SLK: variants seen among roughly 807,000 people sequenced by gnomAD.
SLK encodes STE20 like kinase, also known as STE20-like serine/threonine-protein kinase.
A neutral mutation model predicts 147.7 loss-of-function variants in SLK; 67 were observed. That is an observed-to-expected ratio of 0.45 (90% confidence interval 0.37 to 0.56). The LOEUF is 0.56. SLK is among the 20% of genes least tolerant of loss of function. The probability of loss-of-function intolerance (pLI) is 0.00; values close to 1 mark genes in which losing one functional copy is unlikely to be tolerated. For synonymous variants in SLK, 441 were observed against 475.0 expected (o/e 0.93, Z 0.93); for missense variants, 1,136 against 1,438.8 (o/e 0.79, Z 3.41).
At chr10:103,979,109 A>T (rs938650384) in intron 1 of SLK, among the ~76,000 whole-genome samples, 4 of 152,136 alleles carry the variant, frequency 2.6e-5, no homozygotes, top group Non-Finnish European at 5.9e-5. Context: ...TCCGCTTCCC[A>T]CGTTCAAGTG....
At chr10:103,968,282 C>T (rs1843745445) in intron 1 of SLK, among the ~76,000 whole-genome samples, 1 of 152,230 alleles carries the variant, frequency 6.6e-6, no homozygotes, top group African/African-American at 2.4e-5. Context: ...CATGCTTGTA[C>T]TCCAACAGTT....
At chr10:104,009,832 C>T (rs1308423254) in intron 12 of SLK, among the ~76,000 whole-genome samples, 1 of 151,750 alleles carries the variant, frequency 6.6e-6, no homozygotes, top group African/African-American at 2.4e-5. Flanking sequence ...GAGTCTCTTC[C>T]TTTTAATGGT....
chr10:104,005,835 TAA>T, intron 10 of SLK, 75 bp from the exon 11 acceptor site: 1 of 1,537,178 alleles, frequency 6.5e-7, no homozygotes, highest in Non-Finnish European at 8.8e-7. Context: ...AGAAAATTTT[TAA>T]AGCTTTAAAA....
intron 13 of SLK, among the ~76,000 whole-genome samples, chr10:104,015,515 A>AG (rs1844451745): frequency 6.6e-6 from 1 of 152,208 alleles, no homozygotes; most frequent in Non-Finnish European, 1.5e-5. Context: ...TACTAAGGGA[A>AG]GGGACCCACT....
chr10:104,002,220 T>C lies in SLK; in HGVS notation c.1042T>C (p.Ser348Pro). 1 of 1,608,944 alleles carries C rather than the reference T, an allele frequency of 6.2e-7. No individual in the cohort carries two copies. Among genetic ancestry groups the C allele is most frequent in the Non-Finnish European group, 8.5e-7 (1 of 1,176,846 alleles). ...ATCTTCTGACCTTAGTATCGCCAGCTCTGAAGAAGATAAACTTTCACAAAA... is the reference window on the plus strand; with the variant it reads ...ATCTTCTGACCTTAGTATCGCCAGCCCTGAAGAAGATAAACTTTCACAAAA... Reference protein sequence around the residue: ...RASSDLSIASSEEDKLSQNAC... With the variant: ...RASSDLSIASPEEDKLSQNAC... Residue 348 changes from serine to proline, a missense_variant, in exon 9 of 19, where the codon TCT becomes CCT. Ser to Pro is a moderately conservative substitution (Grantham distance 74). Transcript: ENST00000369755.
Position 104,002,511 on chromosome 10 carries a change from A to G in SLK, c.1333A>G (p.Asn445Asp). 1 of 1,612,362 alleles carries G rather than the reference A, an allele frequency of 6.2e-7. No homozygotes were observed. The highest frequency in any genetic ancestry group is 8.5e-7 in the Non-Finnish European group (1 of 1,179,200). Residue 445 changes from asparagine to aspartate, a missense_variant, in exon 9 of 19, where the codon AAT (asparagine) becomes GAT (aspartate). Transcript: ENST00000369755. ...DTEDQETVDI[N>D]SVSEGKENNI... is the part of the protein sequence containing the mutation. ...AGAAGACCAAGAAACTGTGGACATTAATTCAGTCAGTGAAGGAAAAGAGAA... is the reference window on the plus strand; with the variant it reads ...AGAAGACCAAGAAACTGTGGACATTGATTCAGTCAGTGAAGGAAAAGAGAA...
intron 1 of SLK, chr10:103,974,824 C>CTTTTTTTTTTTTT (rs1215374355): frequency 2.8e-5 from 1 of 35,170 alleles, no homozygotes; most frequent in Non-Finnish European, 5.5e-5. Context: ...CTAATTTTTT[C>CTTTTTTTTTTTTT]TATTTTTTTT....
At chr10:103,980,649 G>A (rs1843928920) in intron 1 of SLK, among the ~76,000 whole-genome samples, 1 of 152,126 alleles carries the variant, frequency 6.6e-6, no homozygotes, top group African/African-American at 2.4e-5. Flanking sequence ...CCATGTCATA[G>A]CATATGTTAG....
At chr10:103,968,836 C>T (rs1392874721) in intron 1 of SLK, among the ~76,000 whole-genome samples, 1 of 152,180 alleles carries the variant, frequency 6.6e-6, no homozygotes, top group Non-Finnish European at 1.5e-5. Flanking sequence ...CCACATTTCA[C>T]AGATGAAGAT....
intron 1 of SLK, among the ~76,000 whole-genome samples, chr10:103,980,942 G>A (rs1393079724): frequency 6.6e-6 from 1 of 152,068 alleles, no homozygotes; most frequent in Non-Finnish European, 1.5e-5. Flanking sequence ...CATTTCCATC[G>A]ATTTGTGCAC....
chr10:103,996,484 T>G (rs959250568), intron 4 of SLK, among the ~76,000 whole-genome samples: 1 of 150,770 alleles, frequency 6.6e-6, no homozygotes. Context: ...CTGCAAGCTC[T>G]GCCTCCCGGG....
intron 14 of SLK, 100 bp downstream of exon 14, chr10:104,018,389 G>A (rs889653008): frequency 2.8e-6 from 3 of 1,061,290 alleles, no homozygotes; most frequent in Non-Finnish European, 4.1e-6. Flanking sequence ...TTCTTGCCCT[G>A]ATGATGCTGG....
chr10:104,024,339 G>C (rs904026424), intron 18 of SLK, among the ~76,000 whole-genome samples: 5 of 152,174 alleles, frequency 3.3e-5, no homozygotes, highest in Non-Finnish European at 1.5e-5. Context: ...TCTTGACACT[G>C]TCATACTGAT....
At chr10:104,007,796 T>TAAATAAATAAAA (rs1213770710) in intron 11 of SLK, among the ~76,000 whole-genome samples, 4 of 151,138 alleles carry the variant, frequency 2.6e-5, no homozygotes, top group African/African-American at 7.3e-5. Flanking sequence ...AATAAATAAA[T>TAAATAAATAAAA]AAAAAGATAA....
Position 103,990,737 on chromosome 10 carries a change from A to G in SLK, c.213A>G (p.Glu71=). 2 of 1,572,140 alleles carry G rather than the reference A, an allele frequency of 1.3e-6. No homozygotes were observed. Among genetic ancestry groups the G allele is most frequent in the Non-Finnish European group, 1.7e-6 (2 of 1,161,612 alleles). ...AAKVIDTKSE[E]ELEDYMVEID... ...AAGTGATTGACACTAAATCTGAAGA[A>G]GAACTTGAAGATTACATGGTAGAGA... Residue 71 remains glutamate (E), a synonymous_variant, in exon 2 of 19, where the codon GAA becomes GAG. Coordinates refer to ENST00000369755, the MANE Select transcript of SLK (RefSeq NM_014720.4).
At chr10:104,020,684 G>A in intron 17 of SLK, 71 bp downstream of exon 17, 1 of 1,519,992 alleles carries the variant, frequency 6.6e-7, no homozygotes, top group Non-Finnish European at 8.9e-7. Flanking sequence ...TGAGAGAACA[G>A]TAGCTAGCCA....
intron 1 of SLK, among the ~76,000 whole-genome samples, chr10:103,988,815 T>C (rs1363349635): frequency 2.0e-5 from 3 of 152,202 alleles, no homozygotes; most frequent in East Asian, 3.9e-4. Flanking sequence ...TTGGCAGATA[T>C]ATGTTATCTT....
At chr10:104,010,035 T>C (rs1844380616) in intron 12 of SLK, among the ~76,000 whole-genome samples, 1 of 152,202 alleles carries the variant, frequency 6.6e-6, no homozygotes, top group African/African-American at 2.4e-5. Context: ...AATATACTTC[T>C]AGTATTTTGA....
intron 16 of SLK, among the ~76,000 whole-genome samples, 176 bp downstream of exon 16, chr10:104,020,098 C>T (rs1232322799): frequency 6.6e-6 from 1 of 152,152 alleles, no homozygotes; most frequent in Non-Finnish European, 1.5e-5. Context: ...TTAGTCTTCC[C>T]CAGGATGGTG....
Sources: gnomAD v4.1 joint callset for allele counts (sites outside exome capture counted in the v4.1 genomes callset) on GRCh38, gnomAD v4.1.1 for gene constraint, MANE v1.5 for transcripts, NCBI Gene and HGNC (gene_info 2026-07-23, HGNC 2026-07-21) for gene names.